RXFP1: variants seen among roughly 807,000 people sequenced by gnomAD.
The protein encoded by RXFP1 is relaxin receptor 1.
In RXFP1, 73 loss-of-function variants were observed where a neutral mutation model predicts 89.8. The observed-to-expected ratio is 0.81, with a 90% CI of 0.67 to 0.99. RXFP1 has a LOEUF of 0.99. RXFP1 is among the 50% of genes least tolerant of loss of function. The probability of loss-of-function intolerance (pLI) is 0.00; values close to 1 mark genes in which losing one functional copy is unlikely to be tolerated. For synonymous variants in RXFP1, 277 were observed against 305.5 expected (o/e 0.91, Z 0.97); for missense variants, 793 against 895.5 (o/e 0.89, Z 1.46).
intron 1 of RXFP1, among the ~76,000 whole-genome samples, chr4:158,523,771 G>A (rs1416236822): frequency 2.0e-5 from 3 of 152,156 alleles, no homozygotes; most frequent in Non-Finnish European, 4.4e-5. Flanking sequence ...CTTGAGTTTA[G>A]CCCCTCACCC....
intron 1 of RXFP1, among the ~76,000 whole-genome samples, chr4:158,552,221 A>G (rs983240956): frequency 6.6e-6 from 1 of 152,230 alleles, no homozygotes; most frequent in African/African-American, 2.4e-5. Context: ...ATAAATCAAT[A>G]AAACTGACTG....
chr4:158,572,712 G>T lies in RXFP1; in HGVS notation c.64G>T (p.Gly22Ter). 6.2e-7 allele frequency: 1 copy of T among 1,614,124 alleles called. No individual in the cohort carries two copies. Among genetic ancestry groups the T allele is most frequent in the South Asian group, 1.1e-5 (1 of 91,082 alleles). Residue 22 changes from glycine (G) to a stop codon, truncating the protein, a stop_gained, in exon 2 of 18, where the codon GGA (glycine) becomes TGA (stop). Transcript: ENST00000307765. LOFTEE classifies it high-confidence loss of function. ...CTTTTCCTCAGTTTCTCATGGGGGT[G>T]GACAGGATGTCAAGTGCTCCCTTGG... Reference protein sequence around the residue: ...IFGKYFSHGGGQDVKCSLGYF... With the variant: ...IFGKYFSHGG
chr4:158,632,607 G>A (rs372006529), intron 11 of RXFP1, among the ~76,000 whole-genome samples: 5 of 152,102 alleles, frequency 3.3e-5, no homozygotes, highest in Admixed American at 6.5e-5. Flanking sequence ...ACTAAGGTAC[G>A]AGGTCATACC....
Position 158,646,938 on chromosome 4 carries a change from T to C in RXFP1, c.1493T>C (p.Val498Ala). The stretch of plus-strand genomic sequence containing the variant: ...TCTTTGGCCATTCTGTCCACAGAAG[T>C]ATCAGTTTTACTGTTAACATTTCTG... ...VGSLAILSTE[V>A]SVLLLTFLTL... Residue 498 changes from valine to alanine, a missense_variant, in exon 16 of 18, where the codon GTA becomes GCA. Physicochemically the swap from Val to Ala is moderately conservative, Grantham distance 64 (BLOSUM62 0). Coordinates refer to ENST00000307765, the MANE Select transcript of RXFP1 (RefSeq NM_021634.4). 1.2e-6 allele frequency: 2 copies of C among 1,614,236 alleles called. No homozygotes were observed. Among genetic ancestry groups the C allele is most frequent in the East Asian group, 2.2e-5 (1 of 44,876 alleles).
intron 3 of RXFP1, among the ~76,000 whole-genome samples, chr4:158,596,016 G>A (rs1399135216): frequency 6.6e-6 from 1 of 151,380 alleles, no homozygotes; most frequent in East Asian, 1.9e-4. Flanking sequence ...AAACTTAGCT[G>A]TGCTACTCAG....
At chr4:158,592,466 C>T (rs374396294) in intron 2 of RXFP1, among the ~76,000 whole-genome samples, 42 of 152,096 alleles carry the variant, frequency 2.8e-4, no homozygotes, top group South Asian at 1.7e-3. Flanking sequence ...CCTAGCTACT[C>T]GGGAGGCTGA....
chr4:158,553,893 C>T (rs554990242), intron 1 of RXFP1, among the ~76,000 whole-genome samples: 2 of 152,100 alleles, frequency 1.3e-5, no homozygotes, highest in South Asian at 2.1e-4. Context: ...TTTCTAAGCC[C>T]GAAAAATGGC....
intron 3 of RXFP1, among the ~76,000 whole-genome samples, chr4:158,594,715 A>G (rs1760199816): frequency 6.6e-6 from 1 of 152,186 alleles, no homozygotes; most frequent in African/African-American, 2.4e-5. Flanking sequence ...GCCCAGTTGA[A>G]TAAGTATATT....
intron 1 of RXFP1, chr4:158,543,855 T>G (rs935292571): frequency 6.2e-5 from 61 of 985,062 alleles, no homozygotes; most frequent in Non-Finnish European, 7.4e-5. Context: ...TAAGACAGAG[T>G]GGCATGCCAA....
intron 2 of RXFP1, among the ~76,000 whole-genome samples, chr4:158,589,463 G>A (rs992383288): frequency 7.9e-5 from 12 of 152,154 alleles, no homozygotes; most frequent in Admixed American, 2.6e-4. Context: ...TCCAATTTGT[G>A]TTCTGCAGCA....
chr4:158,597,051 G>A (rs531368630), intron 3 of RXFP1, among the ~76,000 whole-genome samples: 3 of 152,190 alleles, frequency 2.0e-5, no homozygotes, highest in African/African-American at 7.2e-5. Context: ...AATTTGTGGG[G>A]GGTAGTGCAG....
At chr4:158,529,244 T>TTTTTTGTTGTTGTTG (rs756051922) in intron 1 of RXFP1, among the ~76,000 whole-genome samples, 5 of 109,994 alleles carry the variant, frequency 4.5e-5, no homozygotes, top group African/African-American at 1.5e-4. Flanking sequence ...TTGCTTGTTT[T>TTTTTTGTTGTTGTTG]TTGTTGTTGT....
chr4:158,616,322 A>T (rs1764557146), intron 8 of RXFP1, among the ~76,000 whole-genome samples: 1 of 151,964 alleles, frequency 6.6e-6, no homozygotes, highest in Non-Finnish European at 1.5e-5. Context: ...CCAGCTACTC[A>T]GGAGGCTGAG....
chr4:158,583,372 G>T (rs182112520), intron 2 of RXFP1, among the ~76,000 whole-genome samples: 1 of 152,122 alleles, frequency 6.6e-6, no homozygotes, highest in Non-Finnish European at 1.5e-5. Flanking sequence ...AGACATTAGC[G>T]GTTCTCATTT....
At chr4:158,581,009 C>T (rs1031023967) in intron 2 of RXFP1, among the ~76,000 whole-genome samples, 9 of 152,026 alleles carry the variant, frequency 5.9e-5, no homozygotes, top group Non-Finnish European at 7.4e-5. Flanking sequence ...AGGCTGCTCT[C>T]GAACTCCTGA....
At chr4:158,552,767 A>G (rs1321475139) in intron 1 of RXFP1, among the ~76,000 whole-genome samples, 1 of 152,236 alleles carries the variant, frequency 6.6e-6, no homozygotes, top group Non-Finnish European at 1.5e-5. Context: ...TAGGACAAAA[A>G]TGCCCTCAAA....
At chr4:158,542,098 TATA>T (rs1746860491) in intron 1 of RXFP1, among the ~76,000 whole-genome samples, 3 of 49,754 alleles carry the variant, frequency 6.0e-5, no homozygotes, top group African/African-American at 1.9e-4. Flanking sequence ...TATATATATA[TATA>T]TATATATATT....
intron 1 of RXFP1, among the ~76,000 whole-genome samples, chr4:158,536,785 C>T (rs1745367999): frequency 6.6e-6 from 1 of 152,142 alleles, no homozygotes; most frequent in South Asian, 2.1e-4. Flanking sequence ...TATTCTTCCA[C>T]TGGATAAATT....
intron 9 of RXFP1, among the ~76,000 whole-genome samples, chr4:158,621,578 C>T (rs774947400): frequency 2.6e-5 from 4 of 152,048 alleles, no homozygotes; most frequent in South Asian, 2.1e-4. Flanking sequence ...TTTTAAAACA[C>T]CATTAGGTTA....
Sources: allele counts gnomAD v4.1 joint callset (sites outside exome capture counted in the v4.1 genomes callset), GRCh38; gene constraint gnomAD v4.1.1; transcripts MANE v1.5; gene names NCBI Gene and HGNC (gene_info 2026-07-23, HGNC 2026-07-21).